DTNB: variants seen among roughly 807,000 people sequenced by gnomAD.
The protein encoded by DTNB is DTN-B.
DTNB carries 63 observed loss-of-function variants against 90.7 expected under a neutral mutation model. The ratio of observed to expected loss-of-function variants is 0.69; its 90% CI spans 0.57 to 0.86. The LOEUF (loss-of-function observed/expected upper bound fraction) is 0.86. Among genes scored for constraint, DTNB ranks in the 40% least tolerant of loss-of-function variants. The probability of loss-of-function intolerance (pLI) is 0.00; values close to 1 mark genes in which losing one functional copy is unlikely to be tolerated. For synonymous variants in DTNB, 277 were observed against 286.7 expected (o/e 0.97, Z 0.34); for missense variants, 744 against 807.1 (o/e 0.92, Z 0.95).
intron 9 of DTNB, among the ~76,000 whole-genome samples, chr2:25,527,501 C>A (rs1385149354): frequency 6.6e-6 from 1 of 150,704 alleles, no homozygotes; most frequent in African/African-American, 2.4e-5. Context: ...AGCCTGGCGA[C>A]AGACTGAGAC....
In DTNB at chr2:25,477,008, T is replaced by TGCTACAGCTATCCCA. The variant is rs2063866359; in HGVS notation, c.1079+5773_1079+5787dup. On this transcript the variant is annotated intron_variant, in intron 10 of 20. Coordinates refer to ENST00000406818, the MANE Select transcript of DTNB (RefSeq NM_021907.5). ...TCATTGTTGTCTTATTTTAAGAATT[T>TGCTACAGCTATCCCA]GCTACAGCTATCCCAGTCTTCAGCA... 2.0e-5 allele frequency among the ~76,000 whole-genome samples: 3 copies of TGCTACAGCTATCCCA among 152,216 alleles called. No individual in the cohort carries two copies. In the South Asian group the frequency reaches 6.2e-4, roughly 32 times the overall value.
chr2:25,578,155 C>A (rs2060995297), intron 7 of DTNB, among the ~76,000 whole-genome samples: 1 of 151,948 alleles, frequency 6.6e-6, no homozygotes. Flanking sequence ...ACTAGTGAAT[C>A]AAGACTCAAA....
intron 16 of DTNB, among the ~76,000 whole-genome samples, chr2:25,412,136 T>C (rs1479677812): frequency 6.6e-6 from 1 of 152,226 alleles, no homozygotes; most frequent in African/African-American, 2.4e-5. Flanking sequence ...TTAGTATTCA[T>C]GAGGTTTATG....
At chr2:25,652,104 A>AG (rs763679879) in intron 2 of DTNB, among the ~76,000 whole-genome samples, 126 of 152,234 alleles carry the variant, frequency 8.3e-4, no homozygotes, top group Non-Finnish European at 8.8e-4. Context: ...TTTGAACTGT[A>AG]TACAACAATG....
intron 10 of DTNB, among the ~76,000 whole-genome samples, chr2:25,471,506 C>T (rs1385001250): frequency 3.3e-5 from 5 of 151,998 alleles, no homozygotes; most frequent in Non-Finnish European, 7.4e-5. Flanking sequence ...AGCAATTCTC[C>T]TACCTCAGCC....
At chr2:25,448,349 G>T (rs34296691) in intron 12 of DTNB, among the ~76,000 whole-genome samples, 19,120 of 152,176 alleles carry the variant, frequency 0.13, 1,542 homozygotes, top group Non-Finnish European at 0.17. Context: ...TGGCTGGTTG[G>T]GGGTGGGTGA....
At chr2:25,634,930 A>G (rs1277244143) in intron 3 of DTNB, among the ~76,000 whole-genome samples, 1 of 123,472 alleles carries the variant, frequency 8.1e-6, no homozygotes, top group African/African-American at 2.7e-5. Context: ...GGAAGGCCGC[A>G]GGGTCCTCTG....
At chr2:25,523,172 A>T (rs1016661131) in intron 9 of DTNB, among the ~76,000 whole-genome samples, 1 of 152,218 alleles carries the variant, frequency 6.6e-6, no homozygotes, top group African/African-American at 2.4e-5. Flanking sequence ...TACTGCAACT[A>T]TATAAAACTG....
chr2:25,527,299 T>TG (rs1249457792), intron 9 of DTNB, among the ~76,000 whole-genome samples: 1 of 151,494 alleles, frequency 6.6e-6, no homozygotes, highest in African/African-American at 2.4e-5. Context: ...CAAAAGGGGG[T>TG]GGATCAAGAG....
intron 2 of DTNB, among the ~76,000 whole-genome samples, chr2:25,644,780 A>G (rs542795489): frequency 2.0e-5 from 3 of 152,156 alleles, no homozygotes; most frequent in South Asian, 2.1e-4. Flanking sequence ...AATGAGAAAT[A>G]AGAAATTTTT....
intron 1 of DTNB, among the ~76,000 whole-genome samples, chr2:25,662,681 A>AAACACAC (rs1574196413): frequency 8.6e-5 from 9 of 104,462 alleles, no homozygotes; most frequent in Non-Finnish European, 1.6e-4. Flanking sequence ...CACACACACA[A>AAACACAC]ACACACACAC....
chr2:25,643,541 CAA>C (rs1434533959), intron 2 of DTNB, among the ~76,000 whole-genome samples: 1 of 152,136 alleles, frequency 6.6e-6, no homozygotes, highest in Non-Finnish European at 1.5e-5. Flanking sequence ...CATACAAAAT[CAA>C]AAAGTTAGAC....
intron 9 of DTNB, among the ~76,000 whole-genome samples, chr2:25,501,999 AAC>A (rs2070832569): frequency 4.6e-5 from 7 of 152,100 alleles, no homozygotes; most frequent in Admixed American, 2.0e-4. Context: ...AAGACTGGAT[AAC>A]ATAGTGAGAT....
At position 25,387,467 on chromosome 2, in the gene DTNB, G is replaced by A. The variant is rs939859301; in HGVS notation, c.1736-89C>T. On this transcript the variant is annotated intron_variant, in intron 17 of 20. Transcript: ENST00000406818. This position sits in a 1 kb window ranked among gnomAD's most constrained non-coding sequence, Gnocchi z 4.5. ...CAAATGCCTCAGTTCTGCCAGGCCC[G>A]AGAACACAGGTGTGGAACACCTAAG... 101 of 1,248,358 alleles carry A rather than the reference G, an allele frequency of 8.1e-5. No individual in the cohort carries two copies. The Middle Eastern group carries it at 1.4e-3, about 17-fold the overall frequency. 77.3% of individuals were successfully genotyped at this position (1,248,358 alleles called of 1,614,324 possible).
intron 2 of DTNB, among the ~76,000 whole-genome samples, chr2:25,649,085 A>G (rs1308731778): frequency 7.1e-6 from 1 of 141,222 alleles, no homozygotes; most frequent in African/African-American, 2.7e-5. Context: ...GCTCACTGCA[A>G]GCTCCGCCTC....
At chr2:25,601,601 C>A (rs1350413270) in intron 5 of DTNB, among the ~76,000 whole-genome samples, 1 of 152,162 alleles carries the variant, frequency 6.6e-6, no homozygotes, top group African/African-American at 2.4e-5. Context: ...TGACTAGCCA[C>A]CTATTTTTTT....
chr2:25,640,053 C>G (rs1040146626), intron 2 of DTNB, among the ~76,000 whole-genome samples: 1 of 152,220 alleles, frequency 6.6e-6, no homozygotes, highest in Admixed American at 6.5e-5. Context: ...CAGCACTGAA[C>G]GCTGTTCTGA....
chr2:25,580,781 G>C lies in DTNB; in HGVS notation c.649C>G (p.Pro217Ala), dbSNP rs368967650. 5.6e-6 allele frequency: 9 copies of C among 1,613,338 alleles called. No individual in the cohort carries two copies. The highest frequency in any genetic ancestry group is 1.3e-5 in the African/African-American group (1 of 74,864). The change falls in exon 7 of 21, where the codon CCT becomes GCT. Residue 217 changes from proline to alanine, a missense_variant. By Grantham distance (27) the Pro-to-Ala change is conservative. Transcript: ENST00000406818. ...NMFLDTMMAD[P>A]PPQCLVWLPL... ...AGCCAGACAAGGCACTGGGGAGGAG[G>C]GTCAGCCATCATTGTGTCTAAAAAC...
intron 16 of DTNB, among the ~76,000 whole-genome samples, chr2:25,415,419 G>A (rs2047666984): frequency 6.6e-6 from 1 of 151,848 alleles, no homozygotes. Context: ...GCTAATTTTT[G>A]TATTTTTAAT....
Sources: allele counts gnomAD v4.1 joint callset (sites outside exome capture counted in the v4.1 genomes callset), GRCh38; gene constraint gnomAD v4.1.1; non-coding constraint Gnocchi (gnomAD v3.1); transcripts MANE v1.5; gene names NCBI Gene and HGNC (gene_info 2026-07-23, HGNC 2026-07-21).